Variants in NDUFAB1 observed in about 807,000 individuals in gnomAD.
NDUFAB1 encodes the protein acyl carrier protein, mitochondrial.
NDUFAB1 carries 5 observed loss-of-function variants against 16.1 expected under a neutral mutation model. That is an observed-to-expected ratio of 0.31 (90% CI 0.16 to 0.65). The LOEUF (loss-of-function observed/expected upper bound fraction) is 0.65, where lower values mean the gene tolerates loss of function less well. Among genes scored for constraint, NDUFAB1 ranks in the 30% least tolerant of loss-of-function variants. The pLI is 0.77. For synonymous variants in NDUFAB1, 85 were observed against 78.4 expected, an observed-to-expected ratio of 1.08 and a Z score of -0.44; for missense variants, 187 against 205.3, an observed-to-expected ratio of 0.91 and a Z score of 0.54.
Position 23,596,236 on chromosome 16 carries a change from G to A in NDUFAB1, c.55C>T (p.Pro19Ser), listed in dbSNP as rs780791279. The A allele has an allele frequency of 1.9e-6, 3 of 1,606,074 alleles. No individual in the cohort carries two copies. Among genetic ancestry groups the A allele is most frequent in the Admixed American group, 3.4e-5 (2 of 59,312 alleles). The change falls in exon 1 of 5, where the codon CCG (proline) becomes TCG (serine). Residue 19 changes from proline (P) to serine (S), a missense_variant. By Grantham distance (74) the Pro-to-Ser change is moderately conservative. This residue lies in a region of NDUFAB1 where 135 missense variants were observed against 129.4 expected (regional missense o/e 1.04). Coordinates refer to ENST00000007516, the MANE Select transcript of NDUFAB1 (RefSeq NM_005003.3). ...YVSRLPAAFA[P>S]LPRVRMLAVA... ...GCCAGCATCCGGACCCGGGGCAGCGGCGCAAAGGCCGCGGGCAGGCGGCTG... is the reference window on the plus strand; with the variant it reads ...GCCAGCATCCGGACCCGGGGCAGCGACGCAAAGGCCGCGGGCAGGCGGCTG...
chr16:23,595,168 C>G (rs770538149), intron 1 of NDUFAB1, among the ~76,000 whole-genome samples: 30 of 152,050 alleles, frequency 2.0e-4, no homozygotes, highest in Non-Finnish European at 4.0e-4. Context: ...AGGAGAATTG[C>G]TTGAACCTGA....
At chr16:23,582,883 A>ACTGCC (rs2142231009) in intron 3 of NDUFAB1, among the ~76,000 whole-genome samples, 1 of 150,174 alleles carries the variant, frequency 6.7e-6, no homozygotes, top group East Asian at 2.0e-4. Context: ...GCTGGACTGT[A>ACTGCC]CTGCCGCCAT....
chr16:23,591,571 C>T (rs569669987), intron 1 of NDUFAB1, among the ~76,000 whole-genome samples: 8 of 152,212 alleles, frequency 5.3e-5, no homozygotes, highest in South Asian at 2.1e-4. Flanking sequence ...GTTCCTTCTC[C>T]GCCACCTGGG....
In NDUFAB1 at chr16:23,583,345, C is replaced by T. The variant is rs1447615579; in HGVS notation, c.380-970G>A. Among the ~76,000 whole-genome samples, 8 of 150,818 alleles carry T rather than the reference C, an allele frequency of 5.3e-5. No individual in the cohort carries two copies. In the East Asian group the frequency reaches 7.8e-4, roughly 15 times the overall value. On this transcript the variant is annotated intron_variant, in intron 3 of 4. Coordinates refer to ENST00000007516, the MANE Select transcript of NDUFAB1 (RefSeq NM_005003.3). ...CTAGGAAGTGAGGAGCGTCTCTGCCCGGCCACCCATCGTCTGAGATGTGGG... is the reference window on the plus strand; with the variant it reads ...CTAGGAAGTGAGGAGCGTCTCTGCCTGGCCACCCATCGTCTGAGATGTGGG...
chr16:23,582,565 ATGTTTGTT>A (rs56827728), intron 3 of NDUFAB1, among the ~76,000 whole-genome samples, 190 bp from the exon 4 acceptor site: 8,593 of 151,544 alleles, frequency 0.057, 329 homozygotes, highest in Non-Finnish European at 0.087. Context: ...CTTTGGAGGT[ATGTTTGTT>A]TGTTTGTTTG....
intron 1 of NDUFAB1, 136 bp downstream of exon 1, chr16:23,595,987 C>T: frequency 1.9e-6 from 2 of 1,074,148 alleles, no homozygotes; most frequent in Non-Finnish European, 2.6e-6. Context: ...CTTTAGGCAG[C>T]GGGGCTGCGG....
At chr16:23,588,224 G>A (rs1966249536) in intron 1 of NDUFAB1, among the ~76,000 whole-genome samples, 2 of 152,328 alleles carry the variant, frequency 1.3e-5, no homozygotes, top group South Asian at 4.1e-4. Flanking sequence ...GGAGGCCACG[G>A]TGAGCAGATC....
chr16:23,587,340 A>C, intron 1 of NDUFAB1, 21 bp from the exon 2 acceptor site: 1 of 1,611,566 alleles, frequency 6.2e-7, no homozygotes, highest in Non-Finnish European at 8.5e-7. Context: ...GGCAGGAAGG[A>C]AACACTGTCA....
chr16:23,594,222 A>G (rs1966303506), intron 1 of NDUFAB1, among the ~76,000 whole-genome samples: 1 of 151,884 alleles, frequency 6.6e-6, no homozygotes, highest in African/African-American at 2.4e-5. Context: ...ACCTTTTGAT[A>G]CAGCCAACAG....
At chr16:23,590,282 A>T (rs1966268343) in intron 1 of NDUFAB1, among the ~76,000 whole-genome samples, 2 of 152,176 alleles carry the variant, frequency 1.3e-5, no homozygotes, top group Non-Finnish European at 2.9e-5. Context: ...GTGAGGCAGT[A>T]AGTTAGTGGG....
Position 23,585,414 on chromosome 16 carries a change from T to C in NDUFAB1, c.301A>G (p.Asn101Asp), listed in dbSNP as rs75847980. 2.7e-5 allele frequency: 44 copies of C among 1,613,470 alleles called. No individual in the cohort carries two copies. In the African/African-American group the frequency reaches 4.9e-4, roughly 18 times the overall value. ...DKIDPEKLSV[N>D]SHFMKDLGLD... ...CCCAGGTCTTTCATAAAATGAGAAT[T>C]TACTGAAAGCTGCAAGAAAGGAGCA... Residue 101 changes from asparagine (N) to aspartate (D), a missense_variant, in exon 3 of 5, where the codon AAT becomes GAT. Transcript: ENST00000007516.
intron 3 of NDUFAB1, among the ~76,000 whole-genome samples, chr16:23,583,509 C>T (rs556329671): frequency 1.5e-4 from 22 of 149,712 alleles, no homozygotes; most frequent in African/African-American, 4.4e-4. Context: ...CCCACTGCCC[C>T]GTCTGGGATG....
intron 1 of NDUFAB1, among the ~76,000 whole-genome samples, chr16:23,589,225 G>A (rs1966258057): frequency 6.6e-6 from 1 of 151,660 alleles, no homozygotes. Context: ...GAACTTGGGA[G>A]TCGGAGGTTG....
At chr16:23,595,961 G>A (rs1162879129) in intron 1 of NDUFAB1, among the ~76,000 whole-genome samples, 162 bp downstream of exon 1, 5 of 152,240 alleles carry the variant, frequency 3.3e-5, no homozygotes, top group Non-Finnish European at 5.9e-5. Context: ...CCTCCCGTCA[G>A]GGGTCAACTA....
intron 1 of NDUFAB1, chr16:23,595,354 G>A (rs370964911): frequency 1.7e-5 from 6 of 354,126 alleles, no homozygotes; most frequent in Admixed American, 7.6e-5. Flanking sequence ...ATATACTACA[G>A]GTACAGTCGT....
At chr16:23,582,454 C>T in intron 3 of NDUFAB1, 79 bp from the exon 4 acceptor site, 1 of 1,401,368 alleles carries the variant, frequency 7.1e-7, no homozygotes, top group Non-Finnish European at 9.2e-7. Context: ...GACCCTTCTA[C>T]AACAGCTACA....
intron 3 of NDUFAB1, among the ~76,000 whole-genome samples, chr16:23,583,356 C>T (rs774864539): frequency 2.4e-4 from 36 of 151,504 alleles, no homozygotes; most frequent in Non-Finnish European, 4.1e-4. Context: ...GGCCACCCAT[C>T]GTCTGAGATG....
chr16:23,596,199 G>A lies in NDUFAB1; in HGVS notation c.92C>T (p.Pro31Leu). The A allele has an allele frequency of 6.2e-7, 1 of 1,610,572 alleles. No homozygotes were observed. The highest frequency in any genetic ancestry group is 8.5e-7 in the Non-Finnish European group (1 of 1,178,940). ...CGCGGAGCAGAGAGCGGTGCTGAGA[G>A]GCCGGGCCACGGCCAGCATCCGGAC... The part of the protein sequence containing the change: ...PRVRMLAVAR[P>L]LSTALCSAGT... Residue 31 changes from proline to leucine, a missense_variant, in exon 1 of 5, where the codon CCT becomes CTT. Transcript: ENST00000007516.
chr16:23,582,634 A>G (rs1171881740), intron 3 of NDUFAB1, among the ~76,000 whole-genome samples: 2 of 150,710 alleles, frequency 1.3e-5, no homozygotes, highest in African/African-American at 4.9e-5. Flanking sequence ...CCTTGTATAT[A>G]CCATATAATT....
Sources: allele counts gnomAD v4.1 joint callset (sites outside exome capture counted in the v4.1 genomes callset), GRCh38; gene constraint gnomAD v4.1.1; regional missense constraint gnomAD v4.1.1; transcripts MANE v1.5; gene names NCBI Gene and HGNC (gene_info 2026-07-23, HGNC 2026-07-21).